CSGALNACT1: variants seen among roughly 807,000 people sequenced by gnomAD.
CSGALNACT1 encodes beta4GalNAcT-1.
A neutral mutation model predicts 51.0 loss-of-function variants in CSGALNACT1; 52 were observed. The ratio of observed to expected loss-of-function variants is 1.02; its 90% confidence interval spans 0.82 to 1.29. CSGALNACT1 has a LOEUF of 1.29. Among genes scored for constraint, CSGALNACT1 ranks in the 50% most tolerant of loss-of-function variants. The probability of loss-of-function intolerance (pLI) is 0.00; values close to 1 mark genes in which losing one functional copy is unlikely to be tolerated. For synonymous variants in CSGALNACT1, 341 were observed against 254.4 expected (o/e 1.34, Z -3.24); for missense variants, 935 against 679.2 (o/e 1.38, Z -4.19).
intron 3 of CSGALNACT1, among the ~76,000 whole-genome samples, chr8:19,578,892 T>G (rs2044902786): frequency 6.6e-6 from 1 of 152,118 alleles, no homozygotes. Flanking sequence ...AACCACCCTC[T>G]CCTTCCTTAC....
At chr8:19,519,444 G>A (rs530365656) in intron 3 of CSGALNACT1, among the ~76,000 whole-genome samples, 21 of 152,140 alleles carry the variant, frequency 1.4e-4, no homozygotes, top group Admixed American at 4.6e-4. Flanking sequence ...TCAATATACA[G>A]AGAATTAAAC....
At chr8:19,731,816 C>A (rs182706992) in intron 1 of CSGALNACT1, among the ~76,000 whole-genome samples, 5 of 152,296 alleles carry the variant, frequency 3.3e-5, no homozygotes, top group African/African-American at 1.2e-4. Context: ...TTGCCAGCAT[C>A]CTCTATAATT....
At chr8:19,547,331 T>C (rs796975743) in intron 3 of CSGALNACT1, among the ~76,000 whole-genome samples, 4 of 152,240 alleles carry the variant, frequency 2.6e-5, no homozygotes, top group African/African-American at 9.6e-5. Flanking sequence ...TTCAGTGTTT[T>C]GTGAATGACA....
chr8:19,453,038 G>A (rs1378923972), intron 5 of CSGALNACT1, among the ~76,000 whole-genome samples: 1 of 152,160 alleles, frequency 6.6e-6, no homozygotes, highest in Admixed American at 6.5e-5. Context: ...AGAAGGCTGG[G>A]TAGTCCCCTG....
chr8:19,470,132 G>T (rs7018210), intron 4 of CSGALNACT1, among the ~76,000 whole-genome samples: 1 of 151,938 alleles, frequency 6.6e-6, no homozygotes, highest in Non-Finnish European at 1.5e-5. Flanking sequence ...AGAGGTGGAT[G>T]GGACCTACAA....
intron 1 of CSGALNACT1, among the ~76,000 whole-genome samples, chr8:19,749,219 T>G (rs568895099): frequency 1.4e-5 from 2 of 143,404 alleles, no homozygotes; most frequent in African/African-American, 5.6e-5. Context: ...CCTTCTGTGT[T>G]TTTTTTTTTT....
chr8:19,755,466 A>AAAAAAAAAAAAAAAAAAAC (rs1454968502), intron 1 of CSGALNACT1, among the ~76,000 whole-genome samples: 1 of 127,082 alleles, frequency 7.9e-6, no homozygotes. Flanking sequence ...CAAAAAAAAA[A>AAAAAAAAAAAAAAAAAAAC]AAAAAAAAAA....
At chr8:19,607,181 T>C (rs1478846636), upstream of CSGALNACT1, among the ~76,000 whole-genome samples, 1 of 150,534 alleles carries the variant, frequency 6.6e-6, no homozygotes, top group Non-Finnish European at 1.5e-5. Context: ...ATTTACCAAG[T>C]GCCTCCAGTA....
At chr8:19,479,829 GAAAAAAAAAA>G (rs1212623661) in intron 4 of CSGALNACT1, among the ~76,000 whole-genome samples, 6 of 6,762 alleles carry the variant, frequency 8.9e-4, no homozygotes, top group African/African-American at 1.7e-3. Flanking sequence ...AAAGAACTTA[GAAAAAAAAAA>G]AAAAAAAAAG....
chr8:19,523,679 C>T (rs1219886649), intron 3 of CSGALNACT1, among the ~76,000 whole-genome samples: 1 of 152,122 alleles, frequency 6.6e-6, no homozygotes, highest in Non-Finnish European at 1.5e-5. Context: ...TTCACGTAAT[C>T]ATCAAATATC....
intron 1 of CSGALNACT1, among the ~76,000 whole-genome samples, chr8:19,627,657 G>C (rs898739454): frequency 6.6e-6 from 1 of 151,928 alleles, no homozygotes; most frequent in African/African-American, 2.4e-5. Context: ...GACCTGTCTC[G>C]AAAAACGTAA....
chr8:19,480,567 G>T (rs887788287), intron 4 of CSGALNACT1, among the ~76,000 whole-genome samples: 3 of 152,136 alleles, frequency 2.0e-5, no homozygotes, highest in Non-Finnish European at 4.4e-5. Flanking sequence ...GAGTAGTGCT[G>T]CAATGAACAT....
At chr8:19,599,476 G>GAAAGAAA (rs764414172) in intron 2 of CSGALNACT1, among the ~76,000 whole-genome samples, 1 of 61,150 alleles carries the variant, frequency 1.6e-5, no homozygotes, top group Non-Finnish European at 3.6e-5. Context: ...GAAAGAAAAA[G>GAAAGAAA]AAAGAAAGAA....
intron 4 of CSGALNACT1, among the ~76,000 whole-genome samples, chr8:19,493,157 T>C (rs186542189): frequency 6.6e-6 from 1 of 152,160 alleles, no homozygotes. Context: ...AAATTAAAGC[T>C]AAAGAATTAC....
rs535677918 is a variant in CSGALNACT1 at position 19,460,096 on chromosome 8, G to T, written c.635-1454C>A. Among the ~76,000 whole-genome samples, 114 of 151,616 alleles carry T rather than the reference G, an allele frequency of 7.5e-4. 1 individual carries two copies. Among genetic ancestry groups the T allele is most frequent in the African/African-American group, 2.6e-3 (106 of 41,030 alleles). On this transcript the variant is annotated intron_variant, in intron 4 of 9. Coordinates refer to ENST00000454498, the Ensembl canonical transcript of CSGALNACT1. The stretch of plus-strand genomic sequence containing the variant: ...TTATGAATGTTTTCTCTACAGTCAG[G>T]AAACACACACACATACACACACACA...
At chr8:19,652,000 C>T (rs6985490) in intron 1 of CSGALNACT1, among the ~76,000 whole-genome samples, 79,628 of 151,712 alleles carry the variant, frequency 0.52, 21,200 homozygotes, top group Middle Eastern at 0.62. Context: ...GCGTGATCTC[C>T]GCTCACTGCA....
intron 4 of CSGALNACT1, among the ~76,000 whole-genome samples, chr8:19,492,888 T>C (rs972069607): frequency 6.6e-6 from 1 of 152,194 alleles, no homozygotes; most frequent in Non-Finnish European, 1.5e-5. Flanking sequence ...ACTAATCTTA[T>C]GGTAAAAATA....
chr8:19,603,533 C>G (rs1416163703), upstream of CSGALNACT1, among the ~76,000 whole-genome samples: 1 of 152,204 alleles, frequency 6.6e-6, no homozygotes, highest in Non-Finnish European at 1.5e-5. Context: ...GCAGCAATGC[C>G]TAAGTGGAAT....
chr8:19,517,731 T>G (rs1207814170), intron 3 of CSGALNACT1, among the ~76,000 whole-genome samples: 2 of 152,062 alleles, frequency 1.3e-5, no homozygotes, highest in African/African-American at 2.4e-5. Flanking sequence ...ACATCAGATC[T>G]CCTGAGACTT....
Sources: gnomAD v4.1 joint callset for allele counts (sites outside exome capture counted in the v4.1 genomes callset) on GRCh38, gnomAD v4.1.1 for gene constraint, MANE v1.5 for transcripts, NCBI Gene and HGNC (gene_info 2026-07-23, HGNC 2026-07-21) for gene names.